RIPK3: variants seen among roughly 807,000 people sequenced by gnomAD.
The protein encoded by RIPK3 is receptor-interacting serine/threonine-protein kinase 3.
A neutral mutation model predicts 51.6 loss-of-function variants in RIPK3; 51 were observed. That is an observed-to-expected ratio of 0.99 (90% confidence interval 0.79 to 1.25). The LOEUF is 1.25. RIPK3 is among the 50% of genes most tolerant of loss of function. RIPK3 has a pLI of 0.00. For missense variants in RIPK3, 654 were observed against 650.4 expected (o/e 1.01, Z -0.06); for synonymous variants, 246 against 257.7 (o/e 0.95, Z 0.44).
rs758582936 is a variant in RIPK3 at position 24,337,225 on chromosome 14, ACCTGCTCCTCTTGTGC to A, written c.1120_1135del (p.Ala374PhefsTer54). The A allele has an allele frequency of 1.2e-6, 2 of 1,613,896 alleles. No homozygotes were observed. Among genetic ancestry groups the A allele is most frequent in the East Asian group, 4.5e-5 (2 of 44,880 alleles). The stretch of plus-strand genomic sequence containing the variant: ...TGTGCCTGCTGTCCAGGCTTGTGGA[ACCTGCTCCTCTTGTGC>A]CCTGCTCCTCTTGGTAAGGCTCGGG... On this transcript the variant is annotated frameshift_variant, in exon 8 of 10. Transcript: ENST00000216274. LOFTEE classifies it high-confidence loss of function.
chr14:24,339,953 A>G lies in RIPK3; in HGVS notation c.-127T>C, dbSNP rs2042173817. On this transcript the variant is annotated 5_prime_UTR_variant, in exon 1 of 10. Coordinates refer to ENST00000216274, the MANE Select transcript of RIPK3 (RefSeq NM_006871.4). The surrounding 1 kb of genome is among the most constrained non-coding windows in gnomAD (Gnocchi z 4.0). ...TGTGCAGGGGTCAGTCTCTAGACCA[A>G]GACGGTGAGTCTACTTTCCGGGTTG... 1.0e-6 allele frequency: 1 copy of G among 973,478 alleles called. No individual in the cohort carries two copies. The highest frequency in any genetic ancestry group is 1.5e-6 in the Non-Finnish European group (1 of 674,124). The allele number at this position is 973,478 out of a possible 1,614,324, so 60.3% of individuals were successfully genotyped here. A position where few individuals can be genotyped will look rare whatever the true frequency, so the allele number is the denominator to read the frequency against.
chr14:24,338,662 T>G (rs2087407863), intron 3 of RIPK3, 95 bp from the exon 4 acceptor site: 2 of 1,491,358 alleles, frequency 1.3e-6, no homozygotes, highest in Admixed American at 4.5e-5. Context: ...AGGTTCAGCT[T>G]TGTAAAGGGA....
chr14:24,339,063 C>T lies in RIPK3; in HGVS notation c.423G>A (p.Arg141=). The T allele has an allele frequency of 1.2e-6, 2 of 1,614,162 alleles. No individual in the cohort carries two copies. The highest frequency in any genetic ancestry group is 1.3e-5 in the African/African-American group (1 of 75,050). ...GCAGGACGTTGGATGGCTTGAGGTC[C>T]CGGTGCAGGAGCACCGGGTTCTGGT... is the stretch of plus-strand genomic sequence containing the variant. ...LHDQNPVLLH[R]DLKPSNVLLD... The change falls in exon 3 of 10, where the codon CGG becomes CGA. Residue 141 remains arginine, a synonymous_variant. Transcript: ENST00000216274. This position sits in a 1 kb window ranked among gnomAD's most constrained non-coding sequence, Gnocchi z 4.0.
rs761718122 is a variant in RIPK3 at position 24,339,577 on chromosome 14, G to A, written c.41C>T (p.Pro14Leu). Residue 14 changes from proline (P) to leucine (L), a missense_variant, in exon 2 of 10, where the codon CCC becomes CTC. Transcript: ENST00000216274. This position sits in a 1 kb window ranked among gnomAD's most constrained non-coding sequence, Gnocchi z 4.0. The part of the protein sequence containing the change: ...VKLWPSGAPA[P>L]LVSIEELENQ... ...CTCCAGTTCCTCGATGGACACCAAG[G>A]GGGCGGGGGCACCGCTGGGCCTGAG... is the stretch of plus-strand genomic sequence containing the variant. The A allele has an allele frequency of 2.8e-5, 45 of 1,614,018 alleles. No individual in the cohort carries two copies. The highest frequency in any genetic ancestry group is 1.2e-4 in the Admixed American group (7 of 59,990).
In RIPK3 at chr14:24,339,195, C is replaced by T. The variant is rs2042165134; in HGVS notation, c.291G>A (p.Met97Ile). The T allele has an allele frequency of 6.8e-6, 11 of 1,614,274 alleles. No homozygotes were observed. The highest frequency in any genetic ancestry group is 8.5e-6 in the Non-Finnish European group (10 of 1,180,052). The part of the protein sequence containing the change: ...DPKPALVTKF[M>I]ENGSLSGLLQ... The stretch of plus-strand genomic sequence containing the variant: ...GCAGCCCCGACAAGGAGCCGTTCTC[C>T]ATGAATTTAGTCACCAGAGCCGGCT... The change falls in exon 3 of 10, where the codon ATG (methionine) becomes ATA (isoleucine). Residue 97 changes from methionine (M) to isoleucine (I), a missense_variant. Met to Ile is a conservative substitution (Grantham distance 10). Transcript: ENST00000216274. The surrounding 1 kb of genome is among the most constrained non-coding windows in gnomAD (Gnocchi z 4.0).
rs150214941 is a variant in RIPK3, at chr14:24,339,576, G to A, written c.42C>T (p.Pro14=). ...TCTCCAGTTCCTCGATGGACACCAA[G>A]GGGGCGGGGGCACCGCTGGGCCTGA... ...VKLWPSGAPA[P]LVSIEELENQ... The change falls in exon 2 of 10, where the codon CCC becomes CCT. Residue 14 remains proline (P), a synonymous_variant. Transcript: ENST00000216274. This position sits in a 1 kb window ranked among gnomAD's most constrained non-coding sequence, Gnocchi z 4.0. The A allele has an allele frequency of 5.0e-6, 8 of 1,614,148 alleles. No individual in the cohort carries two copies. Among genetic ancestry groups the A allele is most frequent in the Non-Finnish European group, 6.8e-6 (8 of 1,180,006 alleles).
chr14:24,339,081 GT>G lies in RIPK3; in HGVS notation c.404del (p.Asn135ThrfsTer60). 2 of 1,614,180 alleles carry G rather than the reference GT, an allele frequency of 1.2e-6. No individual in the cohort carries two copies. Among genetic ancestry groups the G allele is most frequent in the East Asian group, 4.5e-5 (2 of 44,870 alleles). On this transcript the variant is annotated frameshift_variant, in exon 3 of 10. Transcript: ENST00000216274. LOFTEE classifies it high-confidence loss of function. This position sits in a 1 kb window ranked among gnomAD's most constrained non-coding sequence, Gnocchi z 4.0. ...TGAGGTCCCGGTGCAGGAGCACCGG[GT>G]TCTGGTCGTGCAGGTAAAACATCCC... ...VLGMFYLHDQ[N>X]PVLLHRDLKP...
chr14:24,336,546 G>T (rs778641499), intron 9 of RIPK3, 151 bp from the exon 10 acceptor site: 17 of 1,134,548 alleles, frequency 1.5e-5, no homozygotes, highest in Non-Finnish European at 2.1e-5. Flanking sequence ...CCAGAATTGT[G>T]TTAGCAGAAG....
rs1257819558 is a variant in RIPK3, at chr14:24,337,765, A to G, written c.833-3T>C. 1 of 1,613,862 alleles carries G rather than the reference A, an allele frequency of 6.2e-7. No homozygotes were observed. The highest frequency in any genetic ancestry group is 2.2e-5 in the East Asian group (1 of 44,892). ...TTCATCAGTTTTTGGTAGGCATTCT[A>G]GAGGGACAGCAGAGTGGAGTGCAGG... On this transcript the variant is annotated splice_region_variant and splice_polypyrimidine_tract_variant and intron_variant, in intron 6 of 9. Transcript: ENST00000216274.
At position 24,339,382 on chromosome 14, in the gene RIPK3, G is replaced by A. The variant is rs73591479; in HGVS notation, c.162-58C>T. The A allele has an allele frequency of 7.5e-6, 12 of 1,609,330 alleles. No homozygotes were observed. The Admixed American group carries it at 1.0e-4, about 13-fold the overall frequency. ...GGGTCGTGGGAAAATCCCTCCCTTCGCCATTCAGGCCCCAGAGCACAGTGG... is the reference window on the plus strand; with the variant it reads ...GGGTCGTGGGAAAATCCCTCCCTTCACCATTCAGGCCCCAGAGCACAGTGG... On this transcript the variant is annotated intron_variant, in intron 2 of 9. Coordinates refer to ENST00000216274, the MANE Select transcript of RIPK3 (RefSeq NM_006871.4). This position sits in a 1 kb window ranked among gnomAD's most constrained non-coding sequence, Gnocchi z 4.0.
chr14:24,338,686 G>A, intron 3 of RIPK3, 119 bp from the exon 4 acceptor site: 3 of 1,386,812 alleles, frequency 2.2e-6, no homozygotes, highest in Middle Eastern at 2.6e-4. Flanking sequence ...TGGAGGTCAA[G>A]GGAAGAGGTT....
rs2042145270 is a variant in RIPK3 at position 24,337,112 on chromosome 14, G to C, written c.1249C>G (p.Pro417Ala). ...TGATTCCCTCGGGGTCCAGGACTTG[G>C]TGTTCCAGTTGAGGTAGGGCTGGGC... ...QMPSPTSTGT[P>A]SPGPRGNQGA... is the part of the protein sequence containing the mutation. The change falls in exon 8 of 10, where the codon CCA becomes GCA. Residue 417 changes from proline (P) to alanine (A), a missense_variant. Coordinates refer to ENST00000216274, the MANE Select transcript of RIPK3 (RefSeq NM_006871.4). The C allele has an allele frequency of 3.1e-6, 5 of 1,611,190 alleles. No individual in the cohort carries two copies. The highest frequency in any genetic ancestry group is 4.2e-6 in the Non-Finnish European group (5 of 1,180,022).
rs142489519 is a variant in RIPK3 at position 24,337,342 on chromosome 14, C to G, written c.1019G>C (p.Arg340Pro). The G allele has an allele frequency of 1.1e-5, 18 of 1,614,002 alleles. No homozygotes were observed. Among genetic ancestry groups the G allele is most frequent in the Non-Finnish European group, 1.5e-5 (18 of 1,180,004 alleles). ...FRRTIENQHS[R>P]NDVMVSEWLN... ...CCACTCAGAAACCATGACATCATTA[C>G]GAGAGTGCTGGTTTTCTATGGTTCT... The change falls in exon 8 of 10, where the codon CGT becomes CCT. Residue 340 changes from arginine to proline, a missense_variant. Arg to Pro is a moderately radical substitution (Grantham distance 103). Coordinates refer to ENST00000216274, the MANE Select transcript of RIPK3 (RefSeq NM_006871.4).
chr14:24,338,140 G>C lies in RIPK3; in HGVS notation c.665-100C>G, dbSNP rs765466321. 3.5e-5 allele frequency: 55 copies of C among 1,576,854 alleles called. 1 individual carries two copies. Among genetic ancestry groups the C allele is most frequent in the Non-Finnish European group, 4.2e-5 (48 of 1,151,792 alleles). Reference sequence around the variant, plus strand: ...GGCAGGGAGTGTAATGTGGGGGCACGAGGAGGGAGGAGGGCAGTCTAAGTA... The same window carrying C: ...GGCAGGGAGTGTAATGTGGGGGCACCAGGAGGGAGGAGGGCAGTCTAAGTA... On this transcript the variant is annotated intron_variant, in intron 5 of 9. Coordinates refer to ENST00000216274, the MANE Select transcript of RIPK3 (RefSeq NM_006871.4).
rs776110365 is a variant in RIPK3 at position 24,339,045 on chromosome 14, G to C, written c.441C>G (p.Asn147Lys). ...CGTGCAGCTCTGGGTCCAGCAGGAC[G>C]TTGGATGGCTTGAGGTCCCGGTGCA... ...VLLHRDLKPS[N>K]VLLDPELHVK... The change falls in exon 3 of 10, where the codon AAC becomes AAG. Residue 147 changes from asparagine (N) to lysine (K), a missense_variant. Transcript: ENST00000216274. The surrounding 1 kb of genome is among the most constrained non-coding windows in gnomAD (Gnocchi z 4.0). The C allele has an allele frequency of 6.2e-7, 1 of 1,614,180 alleles. No individual in the cohort carries two copies. The highest frequency in any genetic ancestry group is 2.2e-5 in the East Asian group (1 of 44,876).
intron 9 of RIPK3, 39 bp downstream of exon 9, chr14:24,336,846 G>A (rs753273610): frequency 6.4e-7 from 1 of 1,558,772 alleles, no homozygotes; most frequent in African/African-American, 1.4e-5. Context: ...TCTGGTGGAA[G>A]AATTGAACAG....
At chr14:24,338,356 T>A in intron 4 of RIPK3, 61 bp from the exon 5 acceptor site, 2 of 1,558,424 alleles carry the variant, frequency 1.3e-6, no homozygotes, top group Non-Finnish European at 1.7e-6. Context: ...TTCCTATACA[T>A]CATCCCCTGG....
chr14:24,336,079 T>C lies in RIPK3; in HGVS notation c.*96A>G. 1.6e-6 allele frequency: 2 copies of C among 1,267,010 alleles called. No homozygotes were observed. Among genetic ancestry groups the C allele is most frequent in the Non-Finnish European group, 2.2e-6 (2 of 917,864 alleles). 78.5% of individuals were successfully genotyped at this position (1,267,010 alleles called of 1,614,324 possible). On this transcript the variant is annotated 3_prime_UTR_variant, in exon 10 of 10. Transcript: ENST00000216274. The stretch of plus-strand genomic sequence containing the variant: ...GGGGACAGGTCACAAAGTCAGTTTG[T>C]GGGCAGGCCAGACTGCCCTAGAAGG...
At position 24,337,326 on chromosome 14, in the gene RIPK3, A is replaced by C; in HGVS notation, c.1035T>G (p.Val345=). 6.2e-7 allele frequency: 1 copy of C among 1,614,088 alleles called. No homozygotes were observed. The highest frequency in any genetic ancestry group is 8.5e-7 in the Non-Finnish European group (1 of 1,180,044). The change falls in exon 8 of 10, where the codon GTT becomes GTG. Residue 345 remains valine, a synonymous_variant. Coordinates refer to ENST00000216274, the MANE Select transcript of RIPK3 (RefSeq NM_006871.4). ...ENQHSRNDVM[V]SEWLNKLNLE... Reference sequence around the variant, plus strand: ...GATTCAGTTTGTTTAGCCACTCAGAAACCATGACATCATTACGAGAGTGCT... The same window carrying C: ...GATTCAGTTTGTTTAGCCACTCAGACACCATGACATCATTACGAGAGTGCT...
Sources: gnomAD v4.1 joint callset for allele counts on GRCh38, gnomAD v4.1.1 for gene constraint, Gnocchi (gnomAD v3.1) non-coding constraint, MANE v1.5 for transcripts, NCBI Gene and HGNC (gene_info 2026-07-23, HGNC 2026-07-21) for gene names.